PDZRN3: variants seen among roughly 807,000 people sequenced by gnomAD.
PDZRN3 encodes the protein E3 ubiquitin-protein ligase PDZRN3.
PDZRN3 carries 38 observed loss-of-function variants against 85.7 expected under a neutral mutation model. That is an observed-to-expected ratio of 0.44 (90% CI 0.34 to 0.58). The LOEUF is 0.58. PDZRN3 is among the 20% of genes least tolerant of loss of function. PDZRN3 has a pLI of 0.01. For synonymous variants in PDZRN3, 759 were observed against 638.0 expected (o/e 1.19, Z -2.86); for missense variants, 1,629 against 1,506.4 (o/e 1.08, Z -1.35).
chr3:73,597,085 T>C (rs34374946), intron 3 of PDZRN3, among the ~76,000 whole-genome samples: 7,755 of 152,216 alleles, frequency 0.051, 218 homozygotes, highest in Middle Eastern at 0.14. Context: ...ATGAAACATT[T>C]TTTAAAGGGG....
At chr3:73,480,429 A>G (rs562775488) in intron 3 of PDZRN3, among the ~76,000 whole-genome samples, 1 of 152,242 alleles carries the variant, frequency 6.6e-6, no homozygotes, top group Admixed American at 6.5e-5. Context: ...GGTTTTCTGC[A>G]CACATAAGTC....
At chr3:73,534,665 C>T (rs367912330) in intron 3 of PDZRN3, among the ~76,000 whole-genome samples, 3 of 152,320 alleles carry the variant, frequency 2.0e-5, no homozygotes, top group South Asian at 4.1e-4. Flanking sequence ...CTTGCCTCGG[C>T]AGTACTGCCT....
chr3:73,459,124 G>A (rs996996748), intron 3 of PDZRN3, among the ~76,000 whole-genome samples: 5 of 152,144 alleles, frequency 3.3e-5, no homozygotes, highest in African/African-American at 1.2e-4. Context: ...CGGCAGAAGA[G>A]AGAATGAGTG....
chr3:73,478,723 T>A (rs1475638424), intron 3 of PDZRN3, among the ~76,000 whole-genome samples: 1 of 152,114 alleles, frequency 6.6e-6, no homozygotes. Flanking sequence ...GAAAAGGTAG[T>A]TGTAATAGTT....
chr3:73,506,895 C>A (rs1469725481), intron 3 of PDZRN3, among the ~76,000 whole-genome samples: 7 of 131,474 alleles, frequency 5.3e-5, no homozygotes, highest in South Asian at 2.5e-4. Context: ...GACCATGTCT[C>A]AAAAAAAAAA....
chr3:73,492,060 T>C (rs1315727474), intron 3 of PDZRN3, among the ~76,000 whole-genome samples: 1 of 152,154 alleles, frequency 6.6e-6, no homozygotes, highest in Non-Finnish European at 1.5e-5. Context: ...AAGAACACTC[T>C]TAAAAAGATT....
At chr3:73,463,428 T>C (rs991049649) in intron 3 of PDZRN3, among the ~76,000 whole-genome samples, 6 of 152,348 alleles carry the variant, frequency 3.9e-5, no homozygotes, top group African/African-American at 1.4e-4. Flanking sequence ...TTCTCCATTA[T>C]TTGAAAACTC....
chr3:73,564,221 T>A (rs1487412208), intron 3 of PDZRN3, among the ~76,000 whole-genome samples: 1 of 152,220 alleles, frequency 6.6e-6, no homozygotes, highest in Non-Finnish European at 1.5e-5. Flanking sequence ...TGTCTTCCCA[T>A]GTGAAAAATG....
intron 3 of PDZRN3, chr3:73,433,884 C>T (rs911538013): frequency 3.8e-5 from 55 of 1,431,644 alleles, no homozygotes; most frequent in Non-Finnish European, 4.6e-5. Context: ...CCCCCTTCCA[C>T]GCTTCCCTTC....
At chr3:73,416,191 G>T (rs189488843) in intron 3 of PDZRN3, among the ~76,000 whole-genome samples, 106 of 152,126 alleles carry the variant, frequency 7.0e-4, no homozygotes, top group African/African-American at 2.5e-3. Flanking sequence ...CCCTCCCACC[G>T]TAAGCGCTCC....
intron 3 of PDZRN3, among the ~76,000 whole-genome samples, chr3:73,425,013 C>T (rs1451385982): frequency 7.2e-6 from 1 of 139,636 alleles, no homozygotes; most frequent in Non-Finnish European, 1.5e-5. Flanking sequence ...ACTCATCCAT[C>T]AGTATTTTTT....
intron 3 of PDZRN3, among the ~76,000 whole-genome samples, chr3:73,412,419 A>G (rs2106751009): frequency 6.6e-6 from 1 of 152,348 alleles, no homozygotes; most frequent in South Asian, 2.1e-4. Context: ...TCCTCCATCA[A>G]TGGAATTGTT....
intron 3 of PDZRN3, among the ~76,000 whole-genome samples, chr3:73,451,890 TA>T (rs1463476792): frequency 2.0e-5 from 3 of 152,060 alleles, no homozygotes; most frequent in Admixed American, 6.6e-5. Context: ...AACAGAGATT[TA>T]AAGATGACTG....
chr3:73,390,564 T>A (rs1701500508), intron 6 of PDZRN3, among the ~76,000 whole-genome samples: 1 of 151,872 alleles, frequency 6.6e-6, no homozygotes, highest in African/African-American at 2.4e-5. Flanking sequence ...CTATGTAGTT[T>A]GATAAGTACA....
chr3:73,603,994 C>T (rs545592334), intron 2 of PDZRN3, among the ~76,000 whole-genome samples: 1 of 152,164 alleles, frequency 6.6e-6, no homozygotes, highest in East Asian at 1.9e-4. Flanking sequence ...CATTTATCCC[C>T]ACATGACAAA....
At chr3:73,563,713 C>T (rs1339492940) in intron 3 of PDZRN3, among the ~76,000 whole-genome samples, 1 of 152,170 alleles carries the variant, frequency 6.6e-6, no homozygotes, top group African/African-American at 2.4e-5. Flanking sequence ...AAAACATTTA[C>T]TATTGAGTCC....
At chr3:73,617,495 G>A (rs1347412771) in intron 1 of PDZRN3, among the ~76,000 whole-genome samples, 1 of 152,168 alleles carries the variant, frequency 6.6e-6, no homozygotes, top group Non-Finnish European at 1.5e-5. Context: ...GATCCCCTGG[G>A]TTAAAGCTGC....
chr3:73,443,491 T>TTA, intron 3 of PDZRN3, among the ~76,000 whole-genome samples: 1 of 139,990 alleles, frequency 7.1e-6, no homozygotes, highest in Non-Finnish European at 1.5e-5. Flanking sequence ...TTTTTTTTTT[T>TTA]TTTTTTTGGG....
intron 4 of PDZRN3, among the ~76,000 whole-genome samples, 180 bp downstream of exon 4, chr3:73,403,968 A>G (rs1352729681): frequency 6.6e-6 from 1 of 152,212 alleles, no homozygotes; most frequent in African/African-American, 2.4e-5. Flanking sequence ...AAAGTAATTA[A>G]TATGTCGGAG....
Sources: allele counts gnomAD v4.1 joint callset (sites outside exome capture counted in the v4.1 genomes callset), GRCh38; gene constraint gnomAD v4.1.1; transcripts MANE v1.5; gene names NCBI Gene and HGNC (gene_info 2026-07-23, HGNC 2026-07-21).